FAT3: variants seen among roughly 807,000 people sequenced by gnomAD.
FAT3 encodes the protein FAT atypical cadherin 3.
Under a neutral mutation model 310.2 loss-of-function variants are expected in FAT3, and 95 were observed. The ratio of observed to expected loss-of-function variants is 0.31; its 90% confidence interval spans 0.26 to 0.36. FAT3 has a LOEUF of 0.36. Among genes scored for constraint, FAT3 ranks in the 10% least tolerant of loss-of-function variants. The pLI, the probability that FAT3 is intolerant of heterozygous loss-of-function variation, is 1.00. For missense variants in FAT3, 5,408 were observed against 5,715.6 expected (o/e 0.95, Z 1.74); for synonymous variants, 2,314 against 2,192.9 (o/e 1.06, Z -1.54).
At chr11:92,642,101 G>A (rs1941986423) in intron 3 of FAT3, among the ~76,000 whole-genome samples, 1 of 152,212 alleles carries the variant, frequency 6.6e-6, no homozygotes. Context: ...TATCTGAAAA[G>A]GGGGGCTGTG....
chr11:92,812,668 A>T (rs938230512), intron 13 of FAT3, among the ~76,000 whole-genome samples: 4 of 152,194 alleles, frequency 2.6e-5, no homozygotes, highest in Admixed American at 6.5e-5. Flanking sequence ...TTTATTAGAA[A>T]TTTAGATTTC....
At chr11:92,383,701 T>C (rs1949555063) in intron 2 of FAT3, among the ~76,000 whole-genome samples, 1 of 152,204 alleles carries the variant, frequency 6.6e-6, no homozygotes, top group South Asian at 2.1e-4. Flanking sequence ...TGGCCCACAT[T>C]TTTCCTGTCT....
intron 1 of FAT3, among the ~76,000 whole-genome samples, chr11:92,280,883 A>G (rs1271436968): frequency 1.3e-5 from 2 of 152,130 alleles, no homozygotes; most frequent in Admixed American, 6.6e-5. Context: ...TCCATTTCCT[A>G]GTATGTTATT....
intron 14 of FAT3, 108 bp from the exon 15 acceptor site, chr11:92,834,762 G>C: frequency 9.9e-7 from 1 of 1,009,942 alleles, no homozygotes. Context: ...ATTCCTGAAT[G>C]TTTAAATTCT....
At chr11:92,774,708 C>T (rs1946553124) in intron 7 of FAT3, among the ~76,000 whole-genome samples, 1 of 152,134 alleles carries the variant, frequency 6.6e-6, no homozygotes, top group Non-Finnish European at 1.5e-5. Flanking sequence ...CCTCTTTGTC[C>T]TTGCTGTCTG....
At chr11:92,730,259 GC>G (rs550446277) in intron 4 of FAT3, among the ~76,000 whole-genome samples, 252 of 152,216 alleles carry the variant, frequency 1.7e-3, no homozygotes, top group African/African-American at 5.7e-3. Context: ...GATCGCTTGA[GC>G]CCAGGAGTTC....
At chr11:92,428,641 CTCA>C (rs1283985839) in intron 2 of FAT3, among the ~76,000 whole-genome samples, 8 of 152,208 alleles carry the variant, frequency 5.3e-5, no homozygotes, top group African/African-American at 1.9e-4. Context: ...TCATTATTTA[CTCA>C]GTAGTCATTC....
At chr11:92,458,773 A>G (rs1951565459) in intron 2 of FAT3, among the ~76,000 whole-genome samples, 1 of 152,104 alleles carries the variant, frequency 6.6e-6, no homozygotes, top group African/African-American at 2.4e-5. Flanking sequence ...ATTTTGCTTG[A>G]TCTTGGCCCT....
At chr11:92,300,870 A>G (rs1282144916) in intron 1 of FAT3, among the ~76,000 whole-genome samples, 1 of 152,158 alleles carries the variant, frequency 6.6e-6, no homozygotes, top group Non-Finnish European at 1.5e-5. Flanking sequence ...ATTATTTTAA[A>G]AAATGAGCTC....
intron 2 of FAT3, among the ~76,000 whole-genome samples, chr11:92,491,303 G>A (rs1952591795): frequency 6.6e-6 from 1 of 151,972 alleles, no homozygotes; most frequent in South Asian, 2.1e-4. Context: ...CAACTGGCCA[G>A]GTACTATGGG....
chr11:92,249,998 G>A (rs1865073170), intron 1 of FAT3, among the ~76,000 whole-genome samples: 1 of 151,996 alleles, frequency 6.6e-6, no homozygotes, highest in African/African-American at 2.4e-5. Context: ...AAATAGATGA[G>A]GTGATACGTA....
At chr11:92,572,394 A>G (rs201904092) in intron 3 of FAT3, among the ~76,000 whole-genome samples, 1 of 152,232 alleles carries the variant, frequency 6.6e-6, no homozygotes, top group East Asian at 1.9e-4. Context: ...GATGAAAATC[A>G]AGTGAAATGA....
chr11:92,587,351 T>TA (rs1462288868), intron 3 of FAT3, among the ~76,000 whole-genome samples: 1 of 152,022 alleles, frequency 6.6e-6, no homozygotes, highest in Non-Finnish European at 1.5e-5. Flanking sequence ...TTACACTTTT[T>TA]ACCATTATTT....
At chr11:92,422,898 A>AAG (rs1950560245) in intron 2 of FAT3, among the ~76,000 whole-genome samples, 1 of 152,144 alleles carries the variant, frequency 6.6e-6, no homozygotes, top group African/African-American at 2.4e-5. Context: ...GACGTTGACC[A>AAG]GACTAGAGGT....
intron 1 of FAT3, among the ~76,000 whole-genome samples, chr11:92,341,703 G>C (rs944799253): frequency 6.6e-6 from 1 of 152,056 alleles, no homozygotes; most frequent in African/African-American, 2.4e-5. Flanking sequence ...CCTCTCTGCA[G>C]TATGTTCATC....
chr11:92,241,948 A>G (rs1000930167), intron 1 of FAT3, among the ~76,000 whole-genome samples: 1 of 152,062 alleles, frequency 6.6e-6, no homozygotes, highest in Non-Finnish European at 1.5e-5. Context: ...CTGAGTCTGC[A>G]CTAAGAGTTT....
intron 3 of FAT3, among the ~76,000 whole-genome samples, chr11:92,539,356 C>A (rs1366738623): frequency 6.6e-6 from 1 of 152,122 alleles, no homozygotes; most frequent in Admixed American, 6.6e-5. Context: ...TATACTTAAT[C>A]AAATATAGTT....
At chr11:92,840,889 T>C (rs1948529451) in intron 18 of FAT3, 130 bp downstream of exon 18, 2 of 871,288 alleles carry the variant, frequency 2.3e-6, no homozygotes, top group Non-Finnish European at 3.3e-6. Context: ...TGTTCCCCCT[T>C]TTAATCTCAA....
At chr11:92,533,356 C>T (rs1296451153) in intron 3 of FAT3, among the ~76,000 whole-genome samples, 2 of 152,100 alleles carry the variant, frequency 1.3e-5, no homozygotes, top group African/African-American at 4.8e-5. Context: ...TCTTCCAGTA[C>T]GTCATAGGAT....
Sources: gnomAD v4.1 joint callset for allele counts (sites outside exome capture counted in the v4.1 genomes callset) on GRCh38, gnomAD v4.1.1 for gene constraint, MANE v1.5 for transcripts, NCBI Gene and HGNC (gene_info 2026-07-23, HGNC 2026-07-21) for gene names.